ASIC5: variants seen among roughly 807,000 people sequenced by gnomAD.
The protein encoded by ASIC5 is acid sensing ion channel subunit family member 5, also known as bile acid-sensitive ion channel.
A neutral mutation model predicts 51.2 loss-of-function variants in ASIC5; 52 were observed. That is an observed-to-expected ratio of 1.02 (90% CI 0.81 to 1.28). The LOEUF (loss-of-function observed/expected upper bound fraction) is 1.28. ASIC5 is among the 50% of genes most tolerant of loss of function. The pLI, the probability that ASIC5 is intolerant of heterozygous loss-of-function variation, is 0.00. For missense variants in ASIC5, 635 were observed against 595.0 expected, an observed-to-expected ratio of 1.07 and a Z score of -0.70; for synonymous variants, 231 against 200.7, an observed-to-expected ratio of 1.15 and a Z score of -1.28.
Position 155,854,245 on chromosome 4 carries a change from G to A in ASIC5, c.417C>T (p.Leu139=), listed in dbSNP as rs779007813. Residue 139 remains leucine, a synonymous_variant, in exon 3 of 10, where the codon CTC becomes CTT. Coordinates refer to ENST00000537611, the MANE Select transcript of ASIC5 (RefSeq NM_017419.3). ...FFLWHIVSKV[L]HLQEITANST... Reference sequence around the variant, plus strand: ...AATTGGCAGTAATTTCTTGAAGATGGAGGACTTTGGATACAATGTGCCATA... The same window carrying A: ...AATTGGCAGTAATTTCTTGAAGATGAAGGACTTTGGATACAATGTGCCATA... 5 of 1,613,330 alleles carry A rather than the reference G, an allele frequency of 3.1e-6. No individual in the cohort carries two copies. Among genetic ancestry groups the A allele is most frequent in the Non-Finnish European group, 4.2e-6 (5 of 1,179,614 alleles).
intron 8 of ASIC5, 21 bp downstream of exon 8, chr4:155,836,668 T>C: frequency 6.8e-7 from 1 of 1,481,156 alleles, no homozygotes; most frequent in Non-Finnish European, 9.2e-7. Context: ...TATCAATAAT[T>C]TAAAAGGCTA....
chr4:155,842,601 A>G (rs543024256), intron 5 of ASIC5, among the ~76,000 whole-genome samples: 1 of 152,266 alleles, frequency 6.6e-6, no homozygotes, highest in African/African-American at 2.4e-5. Flanking sequence ...TGAGTATTCT[A>G]AAAATCAACT....
intron 4 of ASIC5, among the ~76,000 whole-genome samples, chr4:155,845,106 G>T (rs1011462182): frequency 6.6e-6 from 1 of 152,026 alleles, no homozygotes; most frequent in Non-Finnish European, 1.5e-5. Context: ...AAAAAAAAAG[G>T]AAAGATTTTT....
At chr4:155,848,500 G>A (rs2111248670) in intron 4 of ASIC5, among the ~76,000 whole-genome samples, 1 of 152,134 alleles carries the variant, frequency 6.6e-6, no homozygotes, top group East Asian at 1.9e-4. Flanking sequence ...ATTCTGATAT[G>A]ACTTAGTGTA....
intron 5 of ASIC5, among the ~76,000 whole-genome samples, chr4:155,842,700 A>T (rs1741147754): frequency 1.3e-5 from 2 of 152,166 alleles, no homozygotes; most frequent in African/African-American, 2.4e-5. Flanking sequence ...TCACATTTTA[A>T]AAAGATCCTT....
At chr4:155,858,371 G>T (rs1741601201) in intron 2 of ASIC5, among the ~76,000 whole-genome samples, 1 of 152,002 alleles carries the variant, frequency 6.6e-6, no homozygotes, top group African/African-American at 2.4e-5. Flanking sequence ...TCAATTACAA[G>T]TAAAACTAGA....
intron 2 of ASIC5, among the ~76,000 whole-genome samples, chr4:155,860,900 T>G (rs2110766768): frequency 6.6e-6 from 1 of 152,010 alleles, no homozygotes; most frequent in South Asian, 2.1e-4. Context: ...CAGTTACAAC[T>G]TTCCCTATAA....
intron 2 of ASIC5, among the ~76,000 whole-genome samples, chr4:155,856,699 G>A (rs1393055710): frequency 6.6e-6 from 1 of 152,052 alleles, no homozygotes; most frequent in African/African-American, 2.4e-5. Flanking sequence ...CAGAAGTACA[G>A]TGTAAACCCT....
At position 155,854,061 on chromosome 4, in the gene ASIC5, A is replaced by G; in HGVS notation, c.585+16T>C. ...CTTATTACTTTGATTATATTTGAAG[A>G]ATAGAAAATCGTTACCTTTGGGCTA... On this transcript the variant is annotated intron_variant, in intron 3 of 9. Transcript: ENST00000537611. The G allele has an allele frequency of 6.4e-7, 1 of 1,553,088 alleles. No homozygotes were observed. The highest frequency in any genetic ancestry group is 1.1e-5 in the South Asian group (1 of 88,746).
chr4:155,852,027 T>G lies in ASIC5; in HGVS notation c.711+164A>C, dbSNP rs374432928. On this transcript the variant is annotated intron_variant, in intron 4 of 9. Coordinates refer to ENST00000537611, the MANE Select transcript of ASIC5 (RefSeq NM_017419.3). ...CTCAAAATTTTGCCTGTTTAATTTCTAAGCCAGTAGTTATATAAAATCCAT... is the reference window on the plus strand; with the variant it reads ...CTCAAAATTTTGCCTGTTTAATTTCGAAGCCAGTAGTTATATAAAATCCAT... 3.3e-5 allele frequency among the ~76,000 whole-genome samples: 5 copies of G among 152,160 alleles called. No individual in the cohort carries two copies. In the South Asian group the frequency reaches 8.3e-4, roughly 25 times the overall value.
In ASIC5 at chr4:155,836,786, T is replaced by C. The variant is rs1740991709; in HGVS notation, c.1138A>G (p.Ile380Val). 2.5e-6 allele frequency: 4 copies of C among 1,607,648 alleles called. No individual in the cohort carries two copies. Among genetic ancestry groups the C allele is most frequent in the Non-Finnish European group, 3.4e-6 (4 of 1,174,196 alleles). Reference protein sequence around the residue: ...NSSCPVSCEEIEYPATISYSS... With the variant: ...NSSCPVSCEEVEYPATISYSS... The stretch of plus-strand genomic sequence containing the variant: ...TAAGAAATAGTGGCCGGGTATTCTA[T>C]TTCTTCACAAGAAACGGGGCAGCTA... The change falls in exon 8 of 10, where the codon ATA becomes GTA. Residue 380 changes from isoleucine to valine, a missense_variant. By Grantham distance (29) the Ile-to-Val change is conservative. Coordinates refer to ENST00000537611, the MANE Select transcript of ASIC5 (RefSeq NM_017419.3).
chr4:155,838,710 T>C (rs1741048609), intron 7 of ASIC5, 103 bp downstream of exon 7: 1 of 691,088 alleles, frequency 1.4e-6, no homozygotes, highest in South Asian at 1.9e-5. Flanking sequence ...ATATACTATA[T>C]TCTGTTTAAT....
At chr4:155,841,649 C>A (rs556958847) in intron 6 of ASIC5, among the ~76,000 whole-genome samples, 2 of 152,138 alleles carry the variant, frequency 1.3e-5, no homozygotes, top group Non-Finnish European at 2.9e-5. Context: ...ACAGTGAAAT[C>A]TTCAGGCTTG....
chr4:155,835,395 G>T (rs1203843916), intron 8 of ASIC5, among the ~76,000 whole-genome samples: 1 of 123,826 alleles, frequency 8.1e-6, no homozygotes, highest in Non-Finnish European at 1.6e-5. Context: ...CCCGTTTCAA[G>T]AATAATCTGA....
At position 155,852,271 on chromosome 4, in the gene ASIC5, T is replaced by G; in HGVS notation, c.631A>C (p.Asn211His). 1 of 1,598,684 alleles carries G rather than the reference T, an allele frequency of 6.3e-7. No individual in the cohort carries two copies. The highest frequency in any genetic ancestry group is 1.4e-5 in the African/African-American group (1 of 73,700). The stretch of plus-strand genomic sequence containing the variant: ...TTTGCTTGGAGAGTTTCACCATGAT[T>G]AAAAGTAAAACAATTTCCATATTCA... ...FTEYGNCFTF[N>H]HGETLQAKRK... The change falls in exon 4 of 10, where the codon AAT becomes CAT. Residue 211 changes from asparagine (N) to histidine (H), a missense_variant. Coordinates refer to ENST00000537611, the MANE Select transcript of ASIC5 (RefSeq NM_017419.3).
chr4:155,842,823 T>A (rs976144213), intron 5 of ASIC5, among the ~76,000 whole-genome samples: 6 of 151,326 alleles, frequency 4.0e-5, no homozygotes, highest in Admixed American at 2.0e-4. Flanking sequence ...CGCGGGCAAA[T>A]AGAAGGGTGA....
At chr4:155,855,891 T>G (rs1266879508) in intron 2 of ASIC5, among the ~76,000 whole-genome samples, 1 of 151,990 alleles carries the variant, frequency 6.6e-6, no homozygotes, top group Non-Finnish European at 1.5e-5. Flanking sequence ...AAACGTCCAT[T>G]AATGCAGCCG....
At chr4:155,857,491 G>C (rs1332019697) in intron 2 of ASIC5, among the ~76,000 whole-genome samples, 1 of 152,034 alleles carries the variant, frequency 6.6e-6, no homozygotes, top group Non-Finnish European at 1.5e-5. Context: ...TGCTTAGCTA[G>C]AATTTGACTT....
rs1250260651 is a variant in ASIC5, at chr4:155,863,627, G to T, written c.168C>A (p.Asn56Lys). 5 of 1,613,802 alleles carry T rather than the reference G, an allele frequency of 3.1e-6. No individual in the cohort carries two copies. Among genetic ancestry groups the T allele is most frequent in the Non-Finnish European group, 3.4e-6 (4 of 1,179,914 alleles). ...SFHGIHNIVQ[N>K]RSKIRRVLWL... Reference sequence around the variant, plus strand: ...AGAGCACCCTGCGAATTTTGCTCCGGTTCTGAACAATATTGTGTATCCCAT... The same window carrying T: ...AGAGCACCCTGCGAATTTTGCTCCGTTTCTGAACAATATTGTGTATCCCAT... The change falls in exon 2 of 10, where the codon AAC (asparagine) becomes AAA (lysine). Residue 56 changes from asparagine to lysine, a missense_variant. Transcript: ENST00000537611.
Sources: gnomAD v4.1 joint callset for allele counts (sites outside exome capture counted in the v4.1 genomes callset) on GRCh38, gnomAD v4.1.1 for gene constraint, MANE v1.5 for transcripts, NCBI Gene and HGNC (gene_info 2026-07-23, HGNC 2026-07-21) for gene names.